The following ABI1 variants were observed in gnomAD, a reference collection of about 807,000 sequenced individuals.
ABI1 encodes the protein Abelson interactor 1.
In ABI1, 14 loss-of-function variants were observed where a neutral mutation model predicts 54.6. The ratio of observed to expected loss-of-function variants is 0.26; its 90% CI spans 0.17 to 0.40. The LOEUF (loss-of-function observed/expected upper bound fraction) is 0.40, where lower values mean the gene tolerates loss of function less well. ABI1 is among the 10% of genes least tolerant of loss of function. The pLI, the probability that ABI1 is intolerant of heterozygous loss-of-function variation, is 1.00. For synonymous variants in ABI1, 194 were observed against 209.3 expected, an observed-to-expected ratio of 0.93 and a Z score of 0.63; for missense variants, 443 against 598.3, an observed-to-expected ratio of 0.74 and a Z score of 2.71.
Position 26,860,677 on chromosome 10 carries a change from G to A in ABI1, c.117+70C>T. The stretch of plus-strand genomic sequence containing the variant: ...TGAGGTCAGGGCAGTTCCCCACCCC[G>A]CCCAGTGGGCTGGTCACTCCGGCGG... On this transcript the variant is annotated intron_variant, in intron 1 of 10. Coordinates refer to ENST00000376140, the MANE Select transcript of ABI1 (RefSeq NM_001012750.3). This position sits in a 1 kb window ranked among gnomAD's most constrained non-coding sequence, Gnocchi z 4.1. 3 of 1,269,850 alleles carry A rather than the reference G, an allele frequency of 2.4e-6. No individual in the cohort carries two copies. Among genetic ancestry groups the A allele is most frequent in the Non-Finnish European group, 3.4e-6 (3 of 873,240 alleles). 78.7% of individuals were successfully genotyped at this position (1,269,850 alleles called of 1,614,324 possible).
chr10:26,822,591 T>C (rs969834143), intron 2 of ABI1, among the ~76,000 whole-genome samples: 2 of 150,808 alleles, frequency 1.3e-5, no homozygotes, highest in African/African-American at 2.4e-5. Context: ...TAGTAAAACA[T>C]GCCAGACCAA....
chr10:26,783,914 C>T lies in ABI1; in HGVS notation c.286-6673G>A, dbSNP rs536059626. On this transcript the variant is annotated intron_variant, in intron 2 of 10. Coordinates refer to ENST00000376140, the MANE Select transcript of ABI1 (RefSeq NM_001012750.3). ...GCCCTTTGTCACTCTTGCACCTGGC[C>T]CTTCCAGACAAAAGGTCTGGGTTTG... Among the ~76,000 whole-genome samples the T allele has an allele frequency of 3.3e-5, 5 of 152,156 alleles. No homozygotes were observed. The South Asian group carries it at 1.0e-3, about 32-fold the overall frequency.
intron 2 of ABI1, among the ~76,000 whole-genome samples, chr10:26,780,496 G>C (rs1035638989): frequency 2.5e-4 from 38 of 152,220 alleles, no homozygotes; most frequent in African/African-American, 8.9e-4. Flanking sequence ...ACAGAATACA[G>C]GGTTTTGGTA....
At chr10:26,779,938 C>T (rs1841892980) in intron 2 of ABI1, among the ~76,000 whole-genome samples, 1 of 152,120 alleles carries the variant, frequency 6.6e-6, no homozygotes, top group Non-Finnish European at 1.5e-5. Flanking sequence ...CAGAAACTAG[C>T]TCAAAGAATC....
intron 2 of ABI1, among the ~76,000 whole-genome samples, chr10:26,778,169 T>C (rs1270793092): frequency 6.6e-6 from 1 of 152,214 alleles, no homozygotes; most frequent in East Asian, 1.9e-4. Context: ...GCAAGCAGCC[T>C]AGACACCTGT....
chr10:26,833,274 A>G (rs1030904255), intron 1 of ABI1, among the ~76,000 whole-genome samples: 14 of 152,326 alleles, frequency 9.2e-5, no homozygotes, highest in African/African-American at 2.4e-4. Context: ...ATACTTACTC[A>G]GTATACAGAA....
chr10:26,757,647 A>T (rs1269783812), intron 8 of ABI1, among the ~76,000 whole-genome samples: 4 of 152,200 alleles, frequency 2.6e-5, no homozygotes. Context: ...CAGTAGCTTT[A>T]ATATTTTAGT....
rs543490302 is a variant in ABI1, at chr10:26,758,179, T to C, written c.997+883A>G. ...CTTAAAGCAACCTCCTATGTAAATA[T>C]GGAGAATTCACTGAGTATTAAGTGT... On this transcript the variant is annotated intron_variant, in intron 8 of 10. Transcript: ENST00000376140. 1.8e-3 allele frequency among the ~76,000 whole-genome samples: 275 copies of C among 151,602 alleles called. 1 individual carries two copies. Among genetic ancestry groups the C allele is most frequent in the Admixed American group, 6.0e-3 (91 of 15,228 alleles).
At chr10:26,855,722 G>A (rs1252344194) in intron 1 of ABI1, among the ~76,000 whole-genome samples, 2 of 151,006 alleles carry the variant, frequency 1.3e-5, no homozygotes, top group Non-Finnish European at 3.0e-5. Context: ...TGTAATCCCA[G>A]CACTTTGGGA....
At chr10:26,794,651 T>A (rs1182849374) in intron 2 of ABI1, among the ~76,000 whole-genome samples, 1 of 151,730 alleles carries the variant, frequency 6.6e-6, no homozygotes, top group African/African-American at 2.4e-5. Context: ...CTGTAAGGAT[T>A]AAATGAAGCA....
intron 1 of ABI1, among the ~76,000 whole-genome samples, chr10:26,836,908 A>G (rs930907464): frequency 6.6e-6 from 1 of 152,208 alleles, no homozygotes; most frequent in South Asian, 2.1e-4. Flanking sequence ...TTTCATAAAA[A>G]GGGTCTTGGC....
intron 2 of ABI1, among the ~76,000 whole-genome samples, chr10:26,784,060 G>A (rs10829064): frequency 2.0e-5 from 3 of 151,868 alleles, no homozygotes; most frequent in Admixed American, 6.5e-5. Flanking sequence ...CCTTAGATGC[G>A]GGGAAGTAAG....
At chr10:26,847,823 A>G (rs1213582501) in intron 1 of ABI1, among the ~76,000 whole-genome samples, 6 of 152,036 alleles carry the variant, frequency 3.9e-5, no homozygotes, top group African/African-American at 1.2e-4. Flanking sequence ...CAAAAAGTGT[A>G]CCCTCTGTTT....
chr10:26,843,212 G>A (rs1261746457), intron 1 of ABI1, among the ~76,000 whole-genome samples: 1 of 151,498 alleles, frequency 6.6e-6, no homozygotes, highest in African/African-American at 2.4e-5. Context: ...CAGCACTCTG[G>A]AAGGATGAGG....
intron 2 of ABI1, among the ~76,000 whole-genome samples, chr10:26,808,198 C>T (rs2046996574): frequency 2.0e-5 from 3 of 152,134 alleles, no homozygotes; most frequent in African/African-American, 7.2e-5. Context: ...TCTTCAGGTA[C>T]TCTTTGTTTT....
rs1172205933 is a variant in ABI1 at position 26,747,149 on chromosome 10, A to G, written c.*1421T>C. On this transcript the variant is annotated 3_prime_UTR_variant, in exon 11 of 11. Transcript: ENST00000376140. Reference sequence around the variant, plus strand: ...TAGTCTTACCATTCACTATGCTGTTATAAGTCTGTAGCATCCAGTACATAA... The same window carrying G: ...TAGTCTTACCATTCACTATGCTGTTGTAAGTCTGTAGCATCCAGTACATAA... 4.4e-6 allele frequency: 1 copy of G among 226,970 alleles called. No individual in the cohort carries two copies. The highest frequency in any genetic ancestry group is 8.7e-6 in the Non-Finnish European group (1 of 114,302). The allele number at this position is 226,970 out of a possible 1,614,324, so 14.1% of individuals were successfully genotyped here.
chr10:26,803,449 T>A (rs1322551474), intron 2 of ABI1, among the ~76,000 whole-genome samples: 2 of 152,184 alleles, frequency 1.3e-5, no homozygotes, highest in Non-Finnish European at 1.5e-5. Context: ...AGCTCTTGCC[T>A]GGTCATTTCA....
At position 26,835,615 on chromosome 10, in the gene ABI1, T is replaced by TACAC. The variant is rs144455739; in HGVS notation, c.118-12314_118-12311dup. ...AAATTATTCTATACCTAATTTTAAA[T>TACAC]ACACACACACACACACACACAAATG... On this transcript the variant is annotated intron_variant, in intron 1 of 10. Transcript: ENST00000376140. Among the ~76,000 whole-genome samples the TACAC allele has an allele frequency of 2.1e-3, 316 of 149,482 alleles. 1 individual carries two copies. Among genetic ancestry groups the TACAC allele is most frequent in the African/African-American group, 7.3e-3 (297 of 40,812 alleles).
intron 2 of ABI1, among the ~76,000 whole-genome samples, chr10:26,821,054 C>T (rs1462760506): frequency 6.6e-6 from 1 of 151,076 alleles, no homozygotes; most frequent in Non-Finnish European, 1.5e-5. Flanking sequence ...ACCAGCCTGG[C>T]CAACATGGTG....
Sources: allele counts gnomAD v4.1 joint callset (sites outside exome capture counted in the v4.1 genomes callset), GRCh38; gene constraint gnomAD v4.1.1; non-coding constraint Gnocchi (gnomAD v3.1); transcripts MANE v1.5; gene names NCBI Gene and HGNC (gene_info 2026-07-23, HGNC 2026-07-21).